RANGAP1: variants seen among roughly 807,000 people sequenced by gnomAD.
The protein encoded by RANGAP1 is ran GTPase-activating protein 1.
A neutral mutation model predicts 63.5 loss-of-function variants in RANGAP1; 38 were observed. The observed-to-expected ratio is 0.60, with a 90% CI of 0.46 to 0.78. The LOEUF is 0.78. Ranked by LOEUF, RANGAP1 falls within the 30% of genes least tolerant of loss-of-function variation. The probability of loss-of-function intolerance (pLI) is 0.00; values close to 1 mark genes in which losing one functional copy is unlikely to be tolerated. For missense variants in RANGAP1, 630 were observed against 740.3 expected (o/e 0.85, Z 1.73); for synonymous variants, 329 against 310.5 (o/e 1.06, Z -0.63).
chr22:41,256,316 GC>G (rs2033830668), intron 8 of RANGAP1, 26 bp from the exon 9 acceptor site: 1 of 1,608,292 alleles, frequency 6.2e-7, no homozygotes, highest in African/African-American at 1.3e-5. Flanking sequence ...AGGGTTGGAG[GC>G]AGGCAGAAAC....
In RANGAP1 at chr22:41,258,071, C is replaced by T; in HGVS notation, c.651G>A (p.Gln217=). Residue 217 remains glutamine (Q), a synonymous_variant, in exon 7 of 16, where the codon CAG becomes CAA. Transcript: ENST00000356244. ...TGATGCCAGGGTGGTTGATCCCATT[C>T]TGTGGCATGTGGACCTCCTCCAGGG... ...IGTLEEVHMP[Q]NGINHPGITA... 1 of 1,612,868 alleles carries T rather than the reference C, an allele frequency of 6.2e-7. No homozygotes were observed. The highest frequency in any genetic ancestry group is 8.5e-7 in the Non-Finnish European group (1 of 1,179,250).
intron 2 of RANGAP1, among the ~76,000 whole-genome samples, chr22:41,276,510 A>G (rs139529): frequency 0.73 from 111,347 of 151,760 alleles, 41,680 homozygotes; most frequent in Middle Eastern, 0.8. Context: ...GTGGTGGTGG[A>G]TGCCTGTAAT....
At chr22:41,280,537 C>T (rs1035288616) in intron 2 of RANGAP1, 2 of 652,466 alleles carry the variant, frequency 3.1e-6, no homozygotes, top group Non-Finnish European at 4.6e-6. Flanking sequence ...ACCAGAGCCT[C>T]AGCTCTGGGG....
chr22:41,278,046 T>G (rs1397684740), intron 2 of RANGAP1, among the ~76,000 whole-genome samples: 1 of 151,248 alleles, frequency 6.6e-6, no homozygotes, highest in African/African-American at 2.4e-5. Context: ...GAGTTTTTTT[T>G]TTTTTTTTTT....
In RANGAP1 at chr22:41,257,138, A is replaced by C. The variant is rs2033891437; in HGVS notation, c.775-314T>G. On this transcript the variant is annotated intron_variant, in intron 7 of 15. Coordinates refer to ENST00000356244, the MANE Select transcript of RANGAP1 (RefSeq NM_002883.4). The surrounding 1 kb of genome is among the most constrained non-coding windows in gnomAD (Gnocchi z 4.0). ...CCATCCCCCACCCTCTGTCCAGAGA[A>C]AGACCACTTGCCCTATACAACTTAG... 6.6e-6 allele frequency among the ~76,000 whole-genome samples: 1 copy of C among 152,074 alleles called. No homozygotes were observed. The highest frequency in any genetic ancestry group is 1.5e-5 in the Non-Finnish European group (1 of 68,016).
In RANGAP1 at chr22:41,245,167, G is replaced by A. The variant is rs911142955; in HGVS notation, c.*1436C>T. 1.1e-4 allele frequency among the ~76,000 whole-genome samples: 16 copies of A among 152,320 alleles called. 3 individuals carry two copies. In the South Asian group the frequency reaches 2.5e-3, roughly 24 times the overall value. On this transcript the variant is annotated 3_prime_UTR_variant, in exon 16 of 16. Transcript: ENST00000356244. ...TATCCTCTGCCACCTGGTCACCTAC[G>A]TGGCCGACTGCCAATGAGAAAATAT...
In RANGAP1 at chr22:41,257,446, G is replaced by A. The variant is rs1327661582; in HGVS notation, c.774+502C>T. On this transcript the variant is annotated intron_variant, in intron 7 of 15. Coordinates refer to ENST00000356244, the MANE Select transcript of RANGAP1 (RefSeq NM_002883.4). This position sits in a 1 kb window ranked among gnomAD's most constrained non-coding sequence, Gnocchi z 4.0. ...TTGGTACAAAGCCAAGCACTAAATG[G>A]GGACTCAAAAAACAGCTGCTGGGCC... 6.6e-6 allele frequency among the ~76,000 whole-genome samples: 1 copy of A among 152,096 alleles called. No individual in the cohort carries two copies. Among genetic ancestry groups the A allele is most frequent in the Admixed American group, 6.5e-5 (1 of 15,272 alleles).
chr22:41,259,587 A>G (rs1222688964), intron 6 of RANGAP1, among the ~76,000 whole-genome samples: 2 of 152,236 alleles, frequency 1.3e-5, no homozygotes. Flanking sequence ...GGGTGGGTCC[A>G]CTATTACTGT....
At chr22:41,260,181 G>C (rs960390319) in intron 6 of RANGAP1, among the ~76,000 whole-genome samples, 1 of 152,022 alleles carries the variant, frequency 6.6e-6, no homozygotes, top group Admixed American at 6.6e-5. Flanking sequence ...CCTCATCCAT[G>C]TTCACAGACC....
the RANGAP1 span, among the ~76,000 whole-genome samples, chr22:41,293,735 C>T: frequency 4.2e-5 from 6 of 141,756 alleles, no homozygotes; most frequent in East Asian, 2.0e-4. Context: ...GCCGAGATCG[C>T]GCCACTGCAC....
At chr22:41,279,835 C>T (rs1026914376) in intron 2 of RANGAP1, among the ~76,000 whole-genome samples, 17 of 149,710 alleles carry the variant, frequency 1.1e-4, no homozygotes, top group African/African-American at 1.7e-4. Context: ...CAGTGGCTCA[C>T]GCCTGTAATC....
chr22:41,247,370 G>T (rs532612585), intron 15 of RANGAP1, among the ~76,000 whole-genome samples: 1 of 151,696 alleles, frequency 6.6e-6, no homozygotes, highest in Non-Finnish European at 1.5e-5. Flanking sequence ...TTTTTTTCTT[G>T]AGACAGGGCC....
chr22:41,260,929 G>A (rs1207542786), intron 6 of RANGAP1, among the ~76,000 whole-genome samples: 1 of 152,190 alleles, frequency 6.6e-6, no homozygotes, highest in African/African-American at 2.4e-5. Flanking sequence ...TGGCACTCAC[G>A]ATCGGGGACT....
intron 3 of RANGAP1, among the ~76,000 whole-genome samples, chr22:41,270,547 A>G (rs1379644073): frequency 6.6e-6 from 1 of 152,206 alleles, no homozygotes; most frequent in Non-Finnish European, 1.5e-5. Context: ...TCCCAGGCTC[A>G]AGCCATCCTC....
At chr22:41,285,703 G>A in intron 1 of RANGAP1, 9 of 984,194 alleles carry the variant, frequency 9.1e-6, no homozygotes, top group Non-Finnish European at 1.1e-5. Flanking sequence ...ACCGCCTCCG[G>A]TTGACAACAA....
intron 15 of RANGAP1, 66 bp downstream of exon 15, chr22:41,249,264 G>A (rs955206081): frequency 3.2e-5 from 48 of 1,510,244 alleles, no homozygotes; most frequent in Non-Finnish European, 1.2e-5. Context: ...GGAACCGGGC[G>A]CCTTCAGACC....
Position 41,285,412 on chromosome 22 carries a change from G to T in RANGAP1, c.-39+574C>A, listed in dbSNP as rs960776529. On this transcript the variant is annotated intron_variant, in intron 1 of 15. Transcript: ENST00000356244. ...CAGAAACGTAAATTGATTTGTCCAAGGTCAGCAAAGGATCAGCGCCAGAGC... is the reference window on the plus strand; with the variant it reads ...CAGAAACGTAAATTGATTTGTCCAATGTCAGCAAAGGATCAGCGCCAGAGC... The T allele has an allele frequency of 6.4e-6, 5 of 776,160 alleles. No homozygotes were observed. In the African/African-American group the frequency reaches 7.6e-5, roughly 12 times the overall value. The allele number at this position is 776,160 out of a possible 1,614,324, so 48.1% of individuals were successfully genotyped here.
At chr22:41,294,408 C>A in the RANGAP1 span, among the ~76,000 whole-genome samples, 4 of 152,022 alleles carry the variant, frequency 2.6e-5, no homozygotes, top group African/African-American at 9.7e-5. Context: ...GCTACAACCT[C>A]CACCTCCCAG....
intron 10 of RANGAP1, 53 bp downstream of exon 10, chr22:41,255,968 G>C: frequency 1.3e-6 from 2 of 1,539,280 alleles, no homozygotes; most frequent in Non-Finnish European, 1.8e-6. Flanking sequence ...ACAAAAGAAA[G>C]AAAGAAAGGA....
Sources: gnomAD v4.1 joint callset for allele counts (sites outside exome capture counted in the v4.1 genomes callset) on GRCh38, gnomAD v4.1.1 for gene constraint, Gnocchi (gnomAD v3.1) non-coding constraint, MANE v1.5 for transcripts, NCBI Gene and HGNC (gene_info 2026-07-23, HGNC 2026-07-21) for gene names.